TMEM134: variants seen among roughly 807,000 people sequenced by gnomAD.
TMEM134 encodes the protein transmembrane protein 134.
Under a neutral mutation model 26.2 loss-of-function variants are expected in TMEM134, and 36 were observed. That is an observed-to-expected ratio of 1.37 (90% confidence interval 1.05 to 1.81). TMEM134 has a LOEUF of 1.81. Ranked by LOEUF, TMEM134 falls within the 40% of genes most tolerant of loss-of-function variation. The probability of loss-of-function intolerance (pLI) is 0.00; values close to 1 mark genes in which losing one functional copy is unlikely to be tolerated. For missense variants in TMEM134, 339 were observed against 263.5 expected (o/e 1.29, Z -1.98); for synonymous variants, 133 against 113.6 (o/e 1.17, Z -1.08).
rs766640767 is a variant in TMEM134 at position 67,464,828 on chromosome 11, C to G, written c.480G>C (p.Pro160=). The change falls in exon 6 of 7, where the codon CCG becomes CCC. Residue 160 remains proline (P), a synonymous_variant. Coordinates refer to ENST00000308022, the MANE Select transcript of TMEM134 (RefSeq NM_025124.4). ...CTCCAGGCACCAACAACAGGAAGCC[C>G]GGCACGAAGAAGATGGCGCTGGAGA... ...PGVSSAIFFV[P]GFLLLVPGVY... 1.2e-6 allele frequency: 2 copies of G among 1,610,356 alleles called. No homozygotes were observed. The highest frequency in any genetic ancestry group is 1.7e-6 in the Non-Finnish European group (2 of 1,179,652).
Position 67,464,307 on chromosome 11 carries a change from T to A in TMEM134, c.*307A>T. On this transcript the variant is annotated 3_prime_UTR_variant, in exon 7 of 7. Coordinates refer to ENST00000308022, the MANE Select transcript of TMEM134 (RefSeq NM_025124.4). ...CTTGGGAGGGGGGCTGTGGTCAGGC[T>A]GGTGGGCTGGGCTAGCAGTGGCAGG... 6.4e-6 allele frequency: 3 copies of A among 470,384 alleles called. No homozygotes were observed. Among genetic ancestry groups the A allele is most frequent in the Non-Finnish European group, 1.2e-5 (3 of 257,704 alleles). The allele number at this position is 470,384 out of a possible 1,614,324, so 29.1% of individuals were successfully genotyped here. A position where few individuals can be genotyped will look rare whatever the true frequency, so the allele number is the denominator to read the frequency against.
rs755396919 is a variant in TMEM134 at position 67,464,872 on chromosome 11, G to C, written c.452-16C>G. ...CTGGAGACACCTGCGGGAGGGACCA[G>C]AGCCCGGTCAGGGCGAGGGGGCGGA... On this transcript the variant is annotated splice_polypyrimidine_tract_variant and intron_variant, in intron 5 of 6. Transcript: ENST00000308022. 8.1e-6 allele frequency: 13 copies of C among 1,609,842 alleles called. No homozygotes were observed. In the Admixed American group the frequency reaches 1.8e-4, roughly 23 times the overall value.
In TMEM134 at chr11:67,464,372, CTT is replaced by C. The variant is rs1309340708; in HGVS notation, c.*240_*241del. ...ATTGCCTCTGGTGGAATTAATTACT[CTT>C]TTATTAGCACAAAATAACAGCAACC... is the stretch of plus-strand genomic sequence containing the variant. On this transcript the variant is annotated 3_prime_UTR_variant, in exon 7 of 7. Coordinates refer to ENST00000308022, the MANE Select transcript of TMEM134 (RefSeq NM_025124.4). The C allele has an allele frequency of 5.1e-6, 3 of 590,338 alleles. No homozygotes were observed. Among genetic ancestry groups the C allele is most frequent in the African/African-American group, 3.7e-5 (2 of 53,602 alleles). The allele number at this position is 590,338 out of a possible 1,614,324, so 36.6% of individuals were successfully genotyped here.
chr11:67,466,927 C>T (rs1865289479), intron 4 of TMEM134: 1 of 258,396 alleles, frequency 3.9e-6, no homozygotes, highest in African/African-American at 2.3e-5. Context: ...CACGTGGCTT[C>T]TGGGCACCAC....
At chr11:67,468,844 C>A (rs1865460593) in intron 1 of TMEM134, among the ~76,000 whole-genome samples, 175 bp downstream of exon 1, 1 of 152,114 alleles carries the variant, frequency 6.6e-6, no homozygotes, top group African/African-American at 2.4e-5. Flanking sequence ...GGTATGGGAA[C>A]CGGGAGGGCC....
intron 4 of TMEM134, 100 bp downstream of exon 4, chr11:67,467,212 G>A: frequency 3.5e-6 from 4 of 1,138,986 alleles, no homozygotes; most frequent in Non-Finnish European, 5.2e-6. Flanking sequence ...TCCTCAGGAT[G>A]CTGGGAGGCT....
At chr11:67,468,876 A>G (rs2134236708) in intron 1 of TMEM134, 143 bp downstream of exon 1, 1 of 889,636 alleles carries the variant, frequency 1.1e-6, no homozygotes, top group East Asian at 3.3e-5. Context: ...CTGGATCAAG[A>G]GTCACGTCCG....
At chr11:67,468,789 G>C (rs766490080) in intron 1 of TMEM134, among the ~76,000 whole-genome samples, 8 of 152,202 alleles carry the variant, frequency 5.3e-5, no homozygotes, top group Non-Finnish European at 1.2e-4. Flanking sequence ...TGAGGGATGA[G>C]CTCCCGGGCC....
chr11:67,467,110 G>A (rs934222735), intron 4 of TMEM134: 18 of 602,058 alleles, frequency 3.0e-5, no homozygotes, highest in African/African-American at 3.0e-4. Flanking sequence ...TCCATTTTCA[G>A]CTATGTGTGA....
At chr11:67,464,884 G>A in intron 5 of TMEM134, 28 bp from the exon 6 acceptor site, 1 of 1,608,078 alleles carries the variant, frequency 6.2e-7, no homozygotes, top group African/African-American at 1.3e-5. Flanking sequence ...GCCCGGTCAG[G>A]GCGAGGGGGC....
Position 67,465,079 on chromosome 11 carries a change from C to T in TMEM134, c.428G>A (p.Gly143Glu). ...ACCTGGAGAGGGGGTCGCCTCCAGT[C>T]CCACGCCGACCAGGATCAGCACTGC... ...LGLVLILVGV[G>E]LEATPSPGVS... Residue 143 changes from glycine to glutamate, a missense_variant, in exon 5 of 7, where the codon GGA (glycine) becomes GAA (glutamate). Gly to Glu is a moderately conservative substitution (Grantham distance 98). Transcript: ENST00000308022. The T allele has an allele frequency of 6.3e-7, 1 of 1,586,546 alleles. No individual in the cohort carries two copies. Among genetic ancestry groups the T allele is most frequent in the South Asian group, 1.1e-5 (1 of 88,118 alleles).
Position 67,465,206 on chromosome 11 carries a change from G to A in TMEM134, c.407-106C>T, listed in dbSNP as rs186492258. 128 of 1,532,428 alleles carry A rather than the reference G, an allele frequency of 8.4e-5. No homozygotes were observed. The African/African-American group carries it at 1.6e-3, about 19-fold the overall frequency. The allele number at this position is 1,532,428 out of a possible 1,614,324, so 94.9% of individuals were successfully genotyped here. A position where few individuals can be genotyped will look rare whatever the true frequency, so the allele number is the denominator to read the frequency against. ...ACCACCTGAGCTGAAGGTGCCCTAG[G>A]CAGAGACCCTCCCCAGGAAGCTCAC... On this transcript the variant is annotated intron_variant, in intron 4 of 6. Coordinates refer to ENST00000308022, the MANE Select transcript of TMEM134 (RefSeq NM_025124.4).
chr11:67,467,421 G>C, intron 3 of TMEM134, 33 bp from the exon 4 acceptor site: 2 of 1,613,346 alleles, frequency 1.2e-6, no homozygotes, highest in South Asian at 1.1e-5. Context: ...GAATGTGAAG[G>C]AGGTGGAGGG....
chr11:67,464,885 GCGAGGGGGCGGAGGCTT>G, intron 5 of TMEM134, 29 bp from the exon 6 acceptor site: 1 of 1,607,996 alleles, frequency 6.2e-7, no homozygotes, highest in Non-Finnish European at 8.5e-7. Context: ...CCCGGTCAGG[GCGAGGGGGCGGAGGCTT>G]CGAGGCCTTC....
chr11:67,467,464 G>T lies in TMEM134; in HGVS notation c.329+37C>A, dbSNP rs1565172423. 5 of 1,613,004 alleles carry T rather than the reference G, an allele frequency of 3.1e-6. No homozygotes were observed. In the South Asian group the frequency reaches 3.3e-5, roughly 11 times the overall value. On this transcript the variant is annotated intron_variant, in intron 3 of 6. Coordinates refer to ENST00000308022, the MANE Select transcript of TMEM134 (RefSeq NM_025124.4). ...GCAGGAGGCTGTGGGGGTGGAGCCAGGGCTGCTCGGCTGGGGGCTTAGGCG... is the reference window on the plus strand; with the variant it reads ...GCAGGAGGCTGTGGGGGTGGAGCCATGGCTGCTCGGCTGGGGGCTTAGGCG...
At position 67,467,358 on chromosome 11, in the gene TMEM134, GTTC is replaced by G; in HGVS notation, c.357_359del (p.Lys119del). The G allele has an allele frequency of 6.2e-7, 1 of 1,613,962 alleles. No homozygotes were observed. Among genetic ancestry groups the G allele is most frequent in the East Asian group, 2.2e-5 (1 of 44,884 alleles). On this transcript the variant is annotated inframe_deletion, in exon 4 of 7. Coordinates refer to ENST00000308022, the MANE Select transcript of TMEM134 (RefSeq NM_025124.4). ...GGAAGGAGGCCAGCACCACTCGGCGGTTCTTCTGGATCAAAGGGTGTTGGGTCC... is the reference window on the plus strand; with the variant it reads ...GGAAGGAGGCCAGCACCACTCGGCGGTTCTGGATCAAAGGGTGTTGGGTCC...
intron 3 of TMEM134, 38 bp from the exon 4 acceptor site, chr11:67,467,426 G>A (rs1479962395): frequency 1.9e-6 from 3 of 1,613,064 alleles, no homozygotes; most frequent in Admixed American, 3.3e-5. Flanking sequence ...TGAAGGAGGT[G>A]GAGGGAGGGG....
At position 67,467,543 on chromosome 11, in the gene TMEM134, G is replaced by T. The variant is rs936227092; in HGVS notation, c.287C>A (p.Thr96Asn). 1 of 1,613,974 alleles carries T rather than the reference G, an allele frequency of 6.2e-7. No individual in the cohort carries two copies. Among genetic ancestry groups the T allele is most frequent in the Non-Finnish European group, 8.5e-7 (1 of 1,180,030 alleles). ...SIRSSQWSFS[T>N]ISSSTQRSYN... The stretch of plus-strand genomic sequence containing the variant: ...GGAGCGCTGGGTGCTGCTGCTGATG[G>T]TGCTGAAGGACCACTGGGAGCTGCG... The change falls in exon 3 of 7, where the codon ACC becomes AAC. Residue 96 changes from threonine (T) to asparagine (N), a missense_variant. Transcript: ENST00000308022.
At chr11:67,465,172 G>A (rs1211629907) in intron 4 of TMEM134, 72 bp from the exon 5 acceptor site, 5 of 1,534,944 alleles carry the variant, frequency 3.3e-6, no homozygotes, top group South Asian at 2.4e-5. Flanking sequence ...CCCCCAGCCC[G>A]GCTCACCCAC....
Sources: gnomAD v4.1 joint callset for allele counts (sites outside exome capture counted in the v4.1 genomes callset) on GRCh38, gnomAD v4.1.1 for gene constraint, MANE v1.5 for transcripts, NCBI Gene and HGNC (gene_info 2026-07-23, HGNC 2026-07-21) for gene names.